NBEA: variants seen among roughly 807,000 people sequenced by gnomAD.
NBEA encodes lysosomal-trafficking regulator 2.
NBEA carries 44 observed loss-of-function variants against 343.4 expected under a neutral mutation model. That is an observed-to-expected ratio of 0.13 (90% CI 0.10 to 0.16). NBEA has a LOEUF of 0.16. Among genes scored for constraint, NBEA ranks in the 10% least tolerant of loss-of-function variants. The pLI is 1.00. For synonymous variants in NBEA, 1,175 were observed against 1,238.7 expected (o/e 0.95, Z 1.08); for missense variants, 2,555 against 3,631.3 (o/e 0.70, Z 7.62).
chr13:35,251,566 A>G, intron 34 of NBEA: 1 of 1,197,608 alleles, frequency 8.3e-7, no homozygotes, highest in Non-Finnish European at 1.1e-6. Context: ...GACCTTCAGG[A>G]AGGCGTTCAC....
intron 38 of NBEA, among the ~76,000 whole-genome samples, chr13:35,393,754 TAAAGG>T (rs1453165812): frequency 6.6e-6 from 1 of 152,108 alleles, no homozygotes; most frequent in African/African-American, 2.4e-5. Flanking sequence ...TTTTCCAAGT[TAAAGG>T]AAAGAAGTAT....
chr13:35,611,462 C>T (rs1593363313), intron 48 of NBEA, among the ~76,000 whole-genome samples: 1 of 152,174 alleles, frequency 6.6e-6, no homozygotes, highest in East Asian at 1.9e-4. Context: ...AGTTATATAT[C>T]ATAAAATTCA....
intron 24 of NBEA, 63 bp downstream of exon 24, chr13:35,164,572 G>C (rs1195686821): frequency 2.0e-6 from 3 of 1,508,510 alleles, no homozygotes; most frequent in African/African-American, 1.4e-5. Context: ...GCATTTCAGT[G>C]GTGGTCTAGG....
In NBEA at chr13:35,275,268, A is replaced by G. The variant is rs186713551; in HGVS notation, c.5777-15121A>G. Among the ~76,000 whole-genome samples the G allele has an allele frequency of 7.6e-3, 1,163 of 152,324 alleles. 17 individuals carry two copies. Among genetic ancestry groups the G allele is most frequent in the African/African-American group, 0.026 (1,076 of 41,580 alleles). The stretch of plus-strand genomic sequence containing the variant: ...ACAAGCAATGGGGAAAGGATTCCCT[A>G]TTTAATAAATGGTGCTGGGAAAACT... On this transcript the variant is annotated intron_variant, in intron 34 of 58. Coordinates refer to ENST00000379939, the MANE Select transcript of NBEA (RefSeq NM_001385012.1).
At chr13:35,344,758 T>C (rs971286255) in intron 36 of NBEA, among the ~76,000 whole-genome samples, 2 of 152,036 alleles carry the variant, frequency 1.3e-5, no homozygotes, top group African/African-American at 4.8e-5. Context: ...AGTTAATCAG[T>C]AAAATTTCTT....
chr13:35,511,533 A>T (rs1336247550), intron 41 of NBEA, among the ~76,000 whole-genome samples: 1 of 152,148 alleles, frequency 6.6e-6, no homozygotes, highest in Non-Finnish European at 1.5e-5. Context: ...TTATTACTGG[A>T]TTTGTTATCC....
chr13:35,060,114 A>G (rs1161650788), intron 8 of NBEA, among the ~76,000 whole-genome samples: 3 of 151,952 alleles, frequency 2.0e-5, no homozygotes, highest in East Asian at 3.9e-4. Flanking sequence ...TTTTTTCATA[A>G]AATACTTGCA....
chr13:35,077,054 C>T (rs939652866), intron 10 of NBEA, among the ~76,000 whole-genome samples: 5 of 152,050 alleles, frequency 3.3e-5, no homozygotes, highest in African/African-American at 1.2e-4. Flanking sequence ...TTTAAACCCT[C>T]TTCTTTTTCC....
intron 10 of NBEA, among the ~76,000 whole-genome samples, chr13:35,082,958 A>G (rs1365440333): frequency 2.0e-5 from 3 of 152,102 alleles, no homozygotes; most frequent in Admixed American, 2.0e-4. Context: ...TTTTGTTGCC[A>G]TTGCTTTTGG....
chr13:35,285,451 G>T (rs1474866624), intron 34 of NBEA, among the ~76,000 whole-genome samples: 1 of 152,022 alleles, frequency 6.6e-6, no homozygotes, highest in African/African-American at 2.4e-5. Flanking sequence ...AAATAAATTG[G>T]TATCTTTTAT....
intron 33 of NBEA, among the ~76,000 whole-genome samples, chr13:35,219,288 A>T (rs909191257): frequency 6.6e-6 from 1 of 152,186 alleles, no homozygotes; most frequent in East Asian, 1.9e-4. Flanking sequence ...TGCCAAAAAA[A>T]TGTCTAGAGA....
At chr13:34,991,275 G>A (rs1190521972) in intron 1 of NBEA, among the ~76,000 whole-genome samples, 2 of 152,126 alleles carry the variant, frequency 1.3e-5, no homozygotes, top group African/African-American at 2.4e-5. Context: ...ACCCATTCTT[G>A]CACTGCTGTG....
At chr13:35,001,190 A>G (rs369323588) in intron 1 of NBEA, among the ~76,000 whole-genome samples, 13 of 152,162 alleles carry the variant, frequency 8.5e-5, no homozygotes, top group African/African-American at 3.1e-4. Context: ...GGTAGGATAC[A>G]GAGAAAAGGG....
chr13:35,367,651 C>CAGA (rs777169269), intron 38 of NBEA, among the ~76,000 whole-genome samples: 6 of 150,502 alleles, frequency 4.0e-5, no homozygotes, highest in Non-Finnish European at 7.4e-5. Flanking sequence ...AGATACCATT[C>CAGA]AGAGCTAGGG....
intron 1 of NBEA, among the ~76,000 whole-genome samples, chr13:34,988,897 A>G (rs1193863221): frequency 6.6e-5 from 10 of 150,846 alleles, no homozygotes; most frequent in Admixed American, 5.9e-4. Flanking sequence ...CCATTGTGAC[A>G]TTCAGTCTTT....
At chr13:35,452,271 A>G in intron 40 of NBEA, 36 bp downstream of exon 40, 1 of 1,479,998 alleles carries the variant, frequency 6.8e-7, no homozygotes, top group South Asian at 1.2e-5. Context: ...ATTTGTTGTA[A>G]ATAAACACAA....
At chr13:35,448,008 C>T (rs2046132557) in intron 39 of NBEA, among the ~76,000 whole-genome samples, 1 of 152,102 alleles carries the variant, frequency 6.6e-6, no homozygotes, top group Non-Finnish European at 1.5e-5. Flanking sequence ...TTGAAAAGCA[C>T]CTTTAGATCT....
At chr13:35,224,392 T>C (rs1441553585) in intron 33 of NBEA, among the ~76,000 whole-genome samples, 1 of 152,178 alleles carries the variant, frequency 6.6e-6, no homozygotes, top group Non-Finnish European at 1.5e-5. Context: ...TATAAAATTA[T>C]TTGATACTGT....
intron 34 of NBEA, among the ~76,000 whole-genome samples, chr13:35,268,341 G>A (rs977170575): frequency 6.6e-6 from 1 of 151,972 alleles, no homozygotes; most frequent in African/African-American, 2.4e-5. Flanking sequence ...TGGTGGCCAG[G>A]GGCTGCAGGG....
Sources: gnomAD v4.1 joint callset for allele counts (sites outside exome capture counted in the v4.1 genomes callset) on GRCh38, gnomAD v4.1.1 for gene constraint, MANE v1.5 for transcripts, NCBI Gene and HGNC (gene_info 2026-07-23, HGNC 2026-07-21) for gene names.